Variants in EXOSC5 observed in about 807,000 individuals in gnomAD.
EXOSC5 encodes exosome complex component RRP46.
In EXOSC5, 15 loss-of-function variants were observed where a neutral mutation model predicts 23.7. The ratio of observed to expected loss-of-function variants is 0.63; its 90% CI spans 0.42 to 0.97. The LOEUF (loss-of-function observed/expected upper bound fraction) is 0.97, where lower values mean the gene tolerates loss of function less well. EXOSC5 is among the 50% of genes least tolerant of loss of function. The pLI is 0.00. For missense variants in EXOSC5, 305 were observed against 316.3 expected, an observed-to-expected ratio of 0.96 and a Z score of 0.27; for synonymous variants, 143 against 140.9, an observed-to-expected ratio of 1.02 and a Z score of -0.11.
intron 5 of EXOSC5, among the ~76,000 whole-genome samples, chr19:41,386,935 C>G (rs2038989270): frequency 6.6e-6 from 1 of 152,202 alleles, no homozygotes; most frequent in Non-Finnish European, 1.5e-5. Context: ...AGAAGGACTT[C>G]AGGATCAGAT....
At chr19:41,394,860 C>T (rs997625131) in intron 1 of EXOSC5, among the ~76,000 whole-genome samples, 1 of 151,928 alleles carries the variant, frequency 6.6e-6, no homozygotes, top group African/African-American at 2.4e-5. Context: ...TGGTGAAACC[C>T]CGTCTCTACT....
chr19:41,386,983 C>T (rs1360030434), intron 5 of EXOSC5, among the ~76,000 whole-genome samples: 8 of 152,208 alleles, frequency 5.3e-5, no homozygotes, highest in Non-Finnish European at 2.9e-5. Flanking sequence ...CAGGCATCCT[C>T]ACACCTTGGA....
chr19:41,393,267 G>A (rs958313596), intron 1 of EXOSC5, among the ~76,000 whole-genome samples: 5 of 152,140 alleles, frequency 3.3e-5, no homozygotes, highest in African/African-American at 9.7e-5. Context: ...AGTAACATTC[G>A]TCCATTCAGG....
rs1269794968 is a variant in EXOSC5, at chr19:41,387,617, G to A, written c.526-14C>T. On this transcript the variant is annotated splice_polypyrimidine_tract_variant and intron_variant, in intron 4 of 5. Transcript: ENST00000221233. The stretch of plus-strand genomic sequence containing the variant: ...TGCCCGGGCCTCCTAGGGACAAGGG[G>A]TAGAAGGCGGTGGGGGACCTAGGAC... 8 of 1,571,320 alleles carry A rather than the reference G, an allele frequency of 5.1e-6. No individual in the cohort carries two copies. Among genetic ancestry groups the A allele is most frequent in the East Asian group, 2.3e-5 (1 of 43,682 alleles).
intron 3 of EXOSC5, among the ~76,000 whole-genome samples, chr19:41,390,878 C>T (rs986481479): frequency 3.3e-5 from 5 of 152,178 alleles, no homozygotes; most frequent in African/African-American, 1.2e-4. Flanking sequence ...TCTCTCTGCC[C>T]ATCCATAAAA....
At chr19:41,390,964 C>T (rs1024703511) in intron 3 of EXOSC5, among the ~76,000 whole-genome samples, 1 of 152,174 alleles carries the variant, frequency 6.6e-6, no homozygotes, top group Non-Finnish European at 1.5e-5. Flanking sequence ...CTCAACCTCT[C>T]GCACCTCAGA....
intron 1 of EXOSC5, among the ~76,000 whole-genome samples, chr19:41,395,895 A>G (rs376736189): frequency 3.9e-5 from 6 of 152,164 alleles, no homozygotes; most frequent in East Asian, 1.9e-4. Context: ...CCAGACTTGT[A>G]CAGATCTGGG....
intron 4 of EXOSC5, among the ~76,000 whole-genome samples, chr19:41,389,366 AG>A (rs1383666595): frequency 6.6e-6 from 1 of 151,924 alleles, no homozygotes; most frequent in East Asian, 1.9e-4. Flanking sequence ...CCTGGGTTCA[AG>A]CGATTCTCCT....
At chr19:41,396,243 T>C (rs912785541) in intron 1 of EXOSC5, among the ~76,000 whole-genome samples, 1 of 151,926 alleles carries the variant, frequency 6.6e-6, no homozygotes, top group South Asian at 2.1e-4. Flanking sequence ...AGAGTCTTGC[T>C]TTGTCGCTCA....
At position 41,391,949 on chromosome 19, in the gene EXOSC5, C is replaced by G; in HGVS notation, c.276G>C (p.Lys92Asn). Residue 92 changes from lysine (K) to asparagine (N), a missense_variant, in exon 3 of 6, where the codon AAG becomes AAC. Physicochemically the swap from Lys to Asn is moderately conservative, Grantham distance 94. Transcript: ENST00000221233. ...TGTTCCTGATCAGCCGCTCCCGGCT[C>G]TTCTCTGCAACACCTGGGGAAATTG... ...PKIGLPGVAEKSRERLIRNTC... is the reference protein window; with the variant it reads ...PKIGLPGVAENSRERLIRNTC... The G allele has an allele frequency of 6.3e-7, 1 of 1,584,190 alleles. No individual in the cohort carries two copies. The highest frequency in any genetic ancestry group is 1.2e-5 in the South Asian group (1 of 86,744).
chr19:41,387,285 C>T (rs2038991324), intron 5 of EXOSC5, among the ~76,000 whole-genome samples: 1 of 152,200 alleles, frequency 6.6e-6, no homozygotes, highest in Non-Finnish European at 1.5e-5. Flanking sequence ...ATGCCCTCTT[C>T]TGACTTCAAA....
In EXOSC5 at chr19:41,391,870, C is replaced by T. The variant is rs2039024854; in HGVS notation, c.355G>A (p.Val119Met). The T allele has an allele frequency of 6.5e-7, 1 of 1,546,548 alleles. No individual in the cohort carries two copies. The highest frequency in any genetic ancestry group is 8.7e-7 in the Non-Finnish European group (1 of 1,154,624). Residue 119 changes from valine to methionine, a missense_variant, in exon 3 of 6, where the codon GTG (valine) becomes ATG (methionine). Transcript: ENST00000221233. ...CCGGCATCGCTGACAACCTGCAGCA[C>T]CACGGTGATGGAGGTGCGGGGGTGC... Reference protein sequence around the residue: ...TLHPRTSITVVLQVVSDAGSL... With the variant: ...TLHPRTSITVMLQVVSDAGSL...
chr19:41,393,898 T>C (rs2039043045), intron 1 of EXOSC5, among the ~76,000 whole-genome samples: 1 of 151,988 alleles, frequency 6.6e-6, no homozygotes, highest in East Asian at 1.9e-4. Flanking sequence ...AAGCTAACCA[T>C]CCTCCCTCTT....
chr19:41,388,677 C>T (rs2039001656), intron 4 of EXOSC5, among the ~76,000 whole-genome samples: 1 of 152,184 alleles, frequency 6.6e-6, no homozygotes, highest in Non-Finnish European at 1.5e-5. Flanking sequence ...ATCTGAAACC[C>T]TCCAAGTGGT....
At chr19:41,387,052 T>C (rs1282171582) in intron 5 of EXOSC5, among the ~76,000 whole-genome samples, 1 of 152,102 alleles carries the variant, frequency 6.6e-6, no homozygotes, top group African/African-American at 2.4e-5. Flanking sequence ...GGAGTGGTCT[T>C]GGGATTTTAC....
chr19:41,394,449 C>A (rs193185354), intron 1 of EXOSC5, among the ~76,000 whole-genome samples: 1 of 151,780 alleles, frequency 6.6e-6, no homozygotes, highest in East Asian at 1.9e-4. Flanking sequence ...ACTATGGAGG[C>A]CCAGGTGGGA....
intron 3 of EXOSC5, among the ~76,000 whole-genome samples, chr19:41,391,249 C>T (rs905165281): frequency 6.6e-6 from 1 of 152,198 alleles, no homozygotes; most frequent in Admixed American, 6.5e-5. Context: ...CCTGTAATTC[C>T]ACCTGTAATT....
chr19:41,389,761 C>A lies in EXOSC5; in HGVS notation c.525+4G>T, dbSNP rs1404092142. On this transcript the variant is annotated splice_donor_region_variant and intron_variant, in intron 4 of 5. Coordinates refer to ENST00000221233, the MANE Select transcript of EXOSC5 (RefSeq NM_020158.4). ...CCTTCAGCCACCCTGGTCTTCACAC[C>A]TACCTTTTCTTGCTTGGATGTAGGA... 2 of 1,612,008 alleles carry A rather than the reference C, an allele frequency of 1.2e-6. No individual in the cohort carries two copies. The highest frequency in any genetic ancestry group is 3.4e-5 in the Admixed American group (2 of 59,458).
chr19:41,389,352 G>A (rs572151127), intron 4 of EXOSC5, among the ~76,000 whole-genome samples: 3 of 151,460 alleles, frequency 2.0e-5, no homozygotes, highest in East Asian at 1.9e-4. Flanking sequence ...CACAACCTCC[G>A]CGTCCTGGGT....
Sources: allele counts gnomAD v4.1 joint callset (sites outside exome capture counted in the v4.1 genomes callset), GRCh38; gene constraint gnomAD v4.1.1; transcripts MANE v1.5; gene names NCBI Gene and HGNC (gene_info 2026-07-23, HGNC 2026-07-21).